ANO1: variants seen among roughly 807,000 people sequenced by gnomAD.
ANO1 encodes anoctamin 1.
Under a neutral mutation model 124.0 loss-of-function variants are expected in ANO1, and 59 were observed. That is an observed-to-expected ratio of 0.48 (90% CI 0.39 to 0.59). The LOEUF (loss-of-function observed/expected upper bound fraction) is 0.59, where lower values mean the gene tolerates loss of function less well. ANO1 is among the 20% of genes least tolerant of loss of function. The probability of loss-of-function intolerance (pLI) is 0.00; values close to 1 mark genes in which losing one functional copy is unlikely to be tolerated. For missense variants in ANO1, 1,059 were observed against 1,328.0 expected (o/e 0.80, Z 3.15); for synonymous variants, 529 against 532.0 (o/e 0.99, Z 0.08).
intron 13 of ANO1, 117 bp downstream of exon 13, chr11:70,152,578 T>A: frequency 8.2e-7 from 1 of 1,226,118 alleles, no homozygotes; most frequent in Non-Finnish European, 1.2e-6. Flanking sequence ...TCCACGCGGG[T>A]GGGGTCTCTG....
At chr11:70,006,946 G>A (rs10899085) in intron 1 of ANO1, among the ~76,000 whole-genome samples, 117,123 of 151,900 alleles carry the variant, frequency 0.77, 45,512 homozygotes, top group East Asian at 1. Context: ...CTGGGATGAC[G>A]GGGGTGAGCC....
chr11:70,074,971 C>A (rs557253992), upstream of ANO1: 14 of 152,354 alleles, frequency 9.2e-5, no homozygotes, highest in African/African-American at 3.1e-4. Context: ...TCCTCGCCTA[C>A]CATCCAAAGG....
chr11:70,161,061 G>A (rs962400900), intron 16 of ANO1, 100 bp from the exon 17 acceptor site: 23 of 1,108,374 alleles, frequency 2.1e-5, no homozygotes, highest in African/African-American at 1.3e-4. Flanking sequence ...GCAGAAGAGC[G>A]GGAAGGTTGG....
intron 1 of ANO1, among the ~76,000 whole-genome samples, chr11:70,065,617 T>A (rs936260386): frequency 6.6e-6 from 1 of 151,868 alleles, no homozygotes; most frequent in African/African-American, 2.4e-5. Context: ...ACTTCCTCTC[T>A]GCCCTTGTCC....
the ANO1 span, among the ~76,000 whole-genome samples, chr11:69,978,087 C>A: frequency 2.0e-5 from 3 of 152,140 alleles, no homozygotes; most frequent in Admixed American, 2.0e-4. Flanking sequence ...TCCCCTAAAC[C>A]CACATTAAAC....
the ANO1 span, among the ~76,000 whole-genome samples, chr11:69,979,785 C>A: frequency 6.6e-6 from 1 of 152,184 alleles, no homozygotes; most frequent in Admixed American, 6.5e-5. Flanking sequence ...ACTTGGCCAA[C>A]AGGAGAATTG....
chr11:70,138,938 C>G (rs2047052335), intron 11 of ANO1, among the ~76,000 whole-genome samples: 1 of 152,116 alleles, frequency 6.6e-6, no homozygotes, highest in Non-Finnish European at 1.5e-5. Context: ...CTCCCACCCT[C>G]CACCCTCGAG....
chr11:70,108,245 T>G, intron 5 of ANO1, 108 bp from the exon 6 acceptor site: 1 of 1,040,062 alleles, frequency 9.6e-7, no homozygotes, highest in South Asian at 1.7e-5. Context: ...ACCAAGGAGG[T>G]CTTCATGCGT....
chr11:69,968,430 G>A, the ANO1 span, among the ~76,000 whole-genome samples: 3 of 152,230 alleles, frequency 2.0e-5, no homozygotes, highest in Non-Finnish European at 2.9e-5. Context: ...GAGCAAATTC[G>A]CTGGAAAAGA....
chr11:70,053,937 T>A (rs1172195640), intron 1 of ANO1, among the ~76,000 whole-genome samples: 2 of 152,226 alleles, frequency 1.3e-5, no homozygotes, highest in Admixed American at 6.5e-5. Context: ...AAATGGTCCG[T>A]TTTCTCTAGA....
chr11:70,009,649 A>T (rs1230378929), intron 1 of ANO1, among the ~76,000 whole-genome samples: 1 of 152,148 alleles, frequency 6.6e-6, no homozygotes, highest in Admixed American at 6.5e-5. Flanking sequence ...AATGGTTGGG[A>T]AGGTCAAGAC....
Position 70,125,516 on chromosome 11 carries a change from C to CAA in ANO1, c.963-531_963-530dup, listed in dbSNP as rs112512145. Among the ~76,000 whole-genome samples, 288 of 86,794 alleles carry CAA rather than the reference C, an allele frequency of 3.3e-3. 1 individual carries two copies. In the East Asian group the frequency reaches 0.05, roughly 15 times the overall value. The allele number at this position is 86,794 out of a possible 152,430, so 56.9% of individuals were successfully genotyped here. ...GGGCAACAGGAGCAAAACTCTATCT[C>CAA]AAAAAAAAAAAAAAAGAAAGAAAGG... is the stretch of plus-strand genomic sequence containing the variant. On this transcript the variant is annotated intron_variant, in intron 9 of 25. Coordinates refer to ENST00000355303, the MANE Select transcript of ANO1 (RefSeq NM_018043.7).
chr11:70,110,037 C>T (rs906047134), intron 6 of ANO1, among the ~76,000 whole-genome samples: 2 of 152,006 alleles, frequency 1.3e-5, no homozygotes, highest in African/African-American at 2.4e-5. Context: ...GGGCTAGCTG[C>T]GGGATTTAGG....
chr11:70,100,173 A>G (rs1235862319), intron 2 of ANO1, among the ~76,000 whole-genome samples: 1 of 151,926 alleles, frequency 6.6e-6, no homozygotes, highest in African/African-American at 2.4e-5. Context: ...AGCTCCCCTA[A>G]CCACTGGGAC....
the ANO1 span, among the ~76,000 whole-genome samples, chr11:69,966,698 C>T: frequency 6.6e-6 from 1 of 152,204 alleles, no homozygotes; most frequent in African/African-American, 2.4e-5. Context: ...AGGAGAGCAT[C>T]ACTTGCTGTC....
intron 1 of ANO1, among the ~76,000 whole-genome samples, chr11:70,054,885 T>C (rs1266515401): frequency 6.6e-6 from 1 of 152,232 alleles, no homozygotes; most frequent in African/African-American, 2.4e-5. Context: ...CATTTAGGGC[T>C]GTACAATTAT....
At position 70,161,287 on chromosome 11, in the gene ANO1, GTCA is replaced by G; in HGVS notation, c.1712_1714del (p.Ile571del). The G allele has an allele frequency of 6.2e-7, 1 of 1,613,870 alleles. No individual in the cohort carries two copies. The highest frequency in any genetic ancestry group is 8.5e-7 in the Non-Finnish European group (1 of 1,179,768). Reference sequence around the variant, plus strand: ...CCGGGTCACAGTCACAGCCACCGCAGTCATCATCAACCTAGTGGTCATCATCCT... The same window carrying G: ...CCGGGTCACAGTCACAGCCACCGCAGTCATCAACCTAGTGGTCATCATCCT... On this transcript the variant is annotated inframe_deletion, in exon 17 of 26. Transcript: ENST00000355303.
chr11:70,100,464 T>C (rs572735588), intron 2 of ANO1, among the ~76,000 whole-genome samples: 45 of 152,256 alleles, frequency 3.0e-4, no homozygotes, highest in African/African-American at 1.1e-3. Flanking sequence ...TGGAGCGATG[T>C]GGCCACAGCC....
intron 1 of ANO1, among the ~76,000 whole-genome samples, chr11:70,086,904 C>T (rs2044410413): frequency 6.6e-6 from 1 of 152,348 alleles, no homozygotes; most frequent in South Asian, 2.1e-4. Context: ...AGAGCCCTGA[C>T]TAAGACAGTG....
Sources: allele counts gnomAD v4.1 joint callset (sites outside exome capture counted in the v4.1 genomes callset), GRCh38; gene constraint gnomAD v4.1.1; transcripts MANE v1.5; gene names NCBI Gene and HGNC (gene_info 2026-07-23, HGNC 2026-07-21).